GRHL1: variants seen among roughly 807,000 people sequenced by gnomAD.
The protein encoded by GRHL1 is grainyhead like transcription factor 1.
GRHL1 carries 38 observed loss-of-function variants against 75.7 expected under a neutral mutation model. The observed-to-expected ratio is 0.50, with a 90% confidence interval of 0.39 to 0.66. GRHL1 has a LOEUF of 0.66. GRHL1 is among the 30% of genes least tolerant of loss of function. The pLI is 0.00. For synonymous variants in GRHL1, 266 were observed against 279.4 expected, an observed-to-expected ratio of 0.95 and a Z score of 0.48; for missense variants, 589 against 767.5, an observed-to-expected ratio of 0.77 and a Z score of 2.75.
Position 9,965,530 on chromosome 2 carries a change from C to G in GRHL1, c.1110+149C>G, listed in dbSNP as rs2303919. 4.8e-4 allele frequency: 287 copies of G among 596,244 alleles called. No individual in the cohort carries two copies. The East Asian group carries it at 7.7e-3, about 16-fold the overall frequency. The allele number at this position is 596,244 out of a possible 1,614,324, so 36.9% of individuals were successfully genotyped here. A position where few individuals can be genotyped will look rare whatever the true frequency, so the allele number is the denominator to read the frequency against. On this transcript the variant is annotated intron_variant, in intron 8 of 15. Transcript: ENST00000324907. ...ACTATCCTCTTCCCTTTTTATTCTC[C>G]CCTCCTCCAAAACAGATCATTTTTG...
rs1436025498 is a variant in GRHL1, at chr2:9,992,493, T to A, written c.1461+347T>A. ...TCTTTTTAAACTTAACTTGGGGCAA[T>A]ACCTAGGTTAAGGAGCTCTTATAAC... On this transcript the variant is annotated intron_variant, in intron 11 of 15. Transcript: ENST00000324907. This position sits in a 1 kb window ranked among gnomAD's most constrained non-coding sequence, Gnocchi z 4.6. Among the ~76,000 whole-genome samples, 2 of 151,926 alleles carry A rather than the reference T, an allele frequency of 1.3e-5. No individual in the cohort carries two copies. The highest frequency in any genetic ancestry group is 2.9e-5 in the Non-Finnish European group (2 of 68,028).
At chr2:9,993,377 C>A in intron 12 of GRHL1, 133 bp downstream of exon 12, 1 of 708,568 alleles carries the variant, frequency 1.4e-6, no homozygotes, top group Non-Finnish European at 2.5e-6. Flanking sequence ...CCTGATGGCC[C>A]ATCACTCCTG....
In GRHL1 at chr2:10,000,661, T is replaced by G; in HGVS notation, c.1811T>G (p.Ile604Ser). The G allele has an allele frequency of 1.2e-6, 2 of 1,613,182 alleles. No individual in the cohort carries two copies. The highest frequency in any genetic ancestry group is 2.2e-5 in the South Asian group (2 of 90,988). ...AATGAGGACACCTTCCAGCTGCAGA[T>G]TGAAGAAGCCGGGGGGTCTTACAAG... ...YSNEDTFQLQ[I>S]EEAGGSYKLT... Residue 604 changes from isoleucine to serine, a missense_variant, in exon 16 of 16, where the codon ATT becomes AGT. Around this residue, in one of 5 missense-constraint regions of GRHL1, gnomAD observed 192 missense variants for 226.6 expected, o/e 0.85. Coordinates refer to ENST00000324907, the MANE Select transcript of GRHL1 (RefSeq NM_198182.3).
chr2:9,966,072 CT>C (rs1363631959), intron 8 of GRHL1: 1 of 152,158 alleles, frequency 6.6e-6, no homozygotes, highest in East Asian at 1.9e-4. Flanking sequence ...TTCTTTCTTT[CT>C]TTGGATTACT....
intron 2 of GRHL1, among the ~76,000 whole-genome samples, 168 bp from the exon 3 acceptor site, chr2:9,958,618 C>T (rs991013730): frequency 3.3e-5 from 5 of 152,066 alleles, no homozygotes; most frequent in Non-Finnish European, 5.9e-5. Context: ...ATTTTAAGCT[C>T]GTTGAGGGCA....
intron 8 of GRHL1, among the ~76,000 whole-genome samples, chr2:9,984,608 C>T (rs1270342911): frequency 6.7e-6 from 1 of 150,122 alleles, no homozygotes; most frequent in Non-Finnish European, 1.5e-5. Context: ...GATTTGGAGC[C>T]CAGGAGAGAA....
intron 9 of GRHL1, among the ~76,000 whole-genome samples, chr2:9,986,853 C>T (rs902389774): frequency 1.3e-5 from 2 of 152,202 alleles, no homozygotes; most frequent in African/African-American, 4.8e-5. Flanking sequence ...ACTACAGGCA[C>T]ATCCCATCAC....
intron 9 of GRHL1, among the ~76,000 whole-genome samples, chr2:9,989,326 T>A (rs1351088023): frequency 6.6e-6 from 1 of 152,338 alleles, no homozygotes; most frequent in African/African-American, 2.4e-5. Flanking sequence ...TGGAGCACTA[T>A]GTAAAGAAAT....
At chr2:9,959,845 C>G (rs1448756473) in intron 3 of GRHL1, 2 of 152,178 alleles carry the variant, frequency 1.3e-5, no homozygotes, top group East Asian at 1.9e-4. Flanking sequence ...CTAGTTTTCA[C>G]TATTAAGAAG....
chr2:9,997,220 A>C (rs542051846), intron 14 of GRHL1, among the ~76,000 whole-genome samples: 1 of 152,332 alleles, frequency 6.6e-6, no homozygotes, highest in Admixed American at 6.5e-5. Flanking sequence ...TCAGTGACAC[A>C]GTGCTGAATG....
chr2:9,985,411 G>T lies in GRHL1; in HGVS notation c.1111-713G>T, dbSNP rs952208618. On this transcript the variant is annotated intron_variant, in intron 8 of 15. Coordinates refer to ENST00000324907, the MANE Select transcript of GRHL1 (RefSeq NM_198182.3). ...CACTTTTGTCTTAGGTTTAATCTGG[G>T]CATGTAAAGAATCCAGTTATGTTTA... 7.2e-5 allele frequency among the ~76,000 whole-genome samples: 11 copies of T among 152,272 alleles called. No homozygotes were observed. In the East Asian group the frequency reaches 1.9e-3, roughly 27 times the overall value.
chr2:9,955,724 G>A (rs1666989416), intron 2 of GRHL1, among the ~76,000 whole-genome samples: 1 of 152,208 alleles, frequency 6.6e-6, no homozygotes, highest in African/African-American at 2.4e-5. Context: ...CATGTTACCA[G>A]CCTGCGTGCG....
At chr2:9,979,167 A>AAAAAAAAAAAG (rs1171708342) in intron 8 of GRHL1, among the ~76,000 whole-genome samples, 1 of 144,518 alleles carries the variant, frequency 6.9e-6, no homozygotes, top group South Asian at 2.1e-4. Flanking sequence ...AAAAAAAAAA[A>AAAAAAAAAAAG]GGAAACCTTA....
Position 9,963,925 on chromosome 2 carries a change from T to G in GRHL1, c.786T>G (p.Leu262=), listed in dbSNP as rs1377026723. The stretch of plus-strand genomic sequence containing the variant: ...ATACCCTAGAAGCTTCAAAATCACT[T>G]CGACAGAAGCCAGGAGACAGTACCA... ...FEYTLEASKS[L]RQKPGDSTMT... The change falls in exon 6 of 16, where the codon CTT becomes CTG. Residue 262 remains leucine, a synonymous_variant. Transcript: ENST00000324907. 1 of 1,613,848 alleles carries G rather than the reference T, an allele frequency of 6.2e-7. No individual in the cohort carries two copies. The highest frequency in any genetic ancestry group is 8.5e-7 in the Non-Finnish European group (1 of 1,179,884).
rs1668614602 is a variant in GRHL1, at chr2:9,990,969, G to T, written c.1321+222G>T. On this transcript the variant is annotated intron_variant, in intron 10 of 15. Coordinates refer to ENST00000324907, the MANE Select transcript of GRHL1 (RefSeq NM_198182.3). The surrounding 1 kb of genome is among the most constrained non-coding windows in gnomAD (Gnocchi z 4.2). The stretch of plus-strand genomic sequence containing the variant: ...TGGGGACTACAGGATAGATCCCTGG[G>T]TTTTCCCGACCTCAGCGTTTTTGGC... Among the ~76,000 whole-genome samples the T allele has an allele frequency of 6.6e-6, 1 of 152,118 alleles. No individual in the cohort carries two copies. Among genetic ancestry groups the T allele is most frequent in the Admixed American group, 6.5e-5 (1 of 15,274 alleles).
chr2:9,993,352 A>C, intron 12 of GRHL1, 108 bp downstream of exon 12: 1 of 901,398 alleles, frequency 1.1e-6, no homozygotes, highest in Non-Finnish European at 1.8e-6. Flanking sequence ...TGAGCCATCA[A>C]GGATAAGTTG....
chr2:9,995,007 G>A (rs1668793914), intron 12 of GRHL1, among the ~76,000 whole-genome samples: 1 of 152,016 alleles, frequency 6.6e-6, no homozygotes, highest in Non-Finnish European at 1.5e-5. Context: ...CACACTTTGG[G>A]TACCAACACA....
chr2:9,952,264 C>T (rs1265898284), intron 1 of GRHL1, among the ~76,000 whole-genome samples: 5 of 152,140 alleles, frequency 3.3e-5, no homozygotes, highest in Admixed American at 1.3e-4. Context: ...TGGTGGGGCT[C>T]GCGCCGCGTC....
Position 10,001,553 on chromosome 2 carries a change from A to G in GRHL1, c.*846A>G, listed in dbSNP as rs912590207. ...ACCAAGCAGATAGAATACTGTGCTT[A>G]GTGGAACCCGCTAAAAACCTTTTTC... On this transcript the variant is annotated 3_prime_UTR_variant, in exon 16 of 16. Coordinates refer to ENST00000324907, the MANE Select transcript of GRHL1 (RefSeq NM_198182.3). The G allele has an allele frequency of 6.6e-6, 1 of 152,244 alleles. No homozygotes were observed. Among genetic ancestry groups the G allele is most frequent in the Non-Finnish European group, 1.5e-5 (1 of 68,050 alleles). 9.4% of individuals were successfully genotyped at this position (152,244 alleles called of 1,614,324 possible). A position where few individuals can be genotyped will look rare whatever the true frequency, so the allele number is the denominator to read the frequency against.
Sources: allele counts gnomAD v4.1 joint callset (sites outside exome capture counted in the v4.1 genomes callset), GRCh38; gene constraint gnomAD v4.1.1; regional missense constraint gnomAD v4.1.1; non-coding constraint Gnocchi (gnomAD v3.1); transcripts MANE v1.5; gene names NCBI Gene and HGNC (gene_info 2026-07-23, HGNC 2026-07-21).